The following RBBP4 variants were observed in gnomAD, a reference collection of about 807,000 sequenced individuals.
RBBP4 encodes RB binding protein 4, chromatin remodeling factor.
RBBP4 carries 3 observed loss-of-function variants against 57.2 expected under a neutral mutation model. The observed-to-expected ratio is 0.05, with a 90% confidence interval of 0.02 to 0.14. RBBP4 has a LOEUF of 0.14. RBBP4 is among the 10% of genes least tolerant of loss of function. The pLI, the probability that RBBP4 is intolerant of heterozygous loss-of-function variation, is 1.00. For synonymous variants in RBBP4, 151 were observed against 171.5 expected (o/e 0.88, Z 0.93); for missense variants, 107 against 520.6 (o/e 0.21, Z 7.73).
At chr1:32,672,294 AT>A (rs1222271812) in intron 8 of RBBP4, among the ~76,000 whole-genome samples, 155 bp from the exon 9 acceptor site, 1 of 152,124 alleles carries the variant, frequency 6.6e-6, no homozygotes, top group Admixed American at 6.6e-5. Flanking sequence ...CATAAAATAA[AT>A]TCTTTAGCTC....
chr1:32,653,640 T>TTTTTTGTTTTTTTTG (rs1247283021), intron 2 of RBBP4, among the ~76,000 whole-genome samples: 1 of 18,574 alleles, frequency 5.4e-5, no homozygotes. Flanking sequence ...TTTTCTGGTT[T>TTTTTTGTTTTTTTTG]TTTTTTTTTT....
At position 32,683,880 on chromosome 1, in the gene RBBP4, T is replaced by C. The variant is rs1469897652; in HGVS notation, c.*4175T>C. ...ACTCCTGACTCCAGGTGATCCACCC[T>C]CCTCAGCCTCCCAAAGTGCTAGGAT... On this transcript the variant is annotated 3_prime_UTR_variant, in exon 12 of 12. Coordinates refer to ENST00000373493, the MANE Select transcript of RBBP4 (RefSeq NM_005610.3). 2 of 828,914 alleles carry C rather than the reference T, an allele frequency of 2.4e-6. No homozygotes were observed. The highest frequency in any genetic ancestry group is 1.7e-5 in the African/African-American group (1 of 58,912). 51.3% of individuals were successfully genotyped at this position (828,914 alleles called of 1,614,324 possible).
At chr1:32,668,551 A>G in intron 4 of RBBP4, 153 bp downstream of exon 4, 2 of 970,986 alleles carry the variant, frequency 2.1e-6, no homozygotes, top group Non-Finnish European at 1.5e-6. Context: ...GCCTCCATGA[A>G]AAAATAATGC....
intron 11 of RBBP4, among the ~76,000 whole-genome samples, chr1:32,677,585 C>T (rs190894495): frequency 1.3e-5 from 2 of 152,158 alleles, no homozygotes; most frequent in Admixed American, 1.3e-4. Flanking sequence ...AGTGGGAACC[C>T]TGAAATTTGT....
intron 3 of RBBP4, among the ~76,000 whole-genome samples, chr1:32,663,868 G>A (rs1046976911): frequency 2.0e-5 from 3 of 151,890 alleles, no homozygotes; most frequent in Non-Finnish European, 2.9e-5. Context: ...GAGCCACCAC[G>A]CCTGGCCTTG....
chr1:32,670,641 C>T (rs771833748), intron 8 of RBBP4, among the ~76,000 whole-genome samples: 6 of 151,912 alleles, frequency 3.9e-5, no homozygotes, highest in Non-Finnish European at 7.4e-5. Context: ...GGTGCAATCT[C>T]GGCTCACTGC....
Position 32,684,072 on chromosome 1 carries a change from T to C in RBBP4, c.*4367T>C, listed in dbSNP as rs1299538205. 1 of 1,613,976 alleles carries C rather than the reference T, an allele frequency of 6.2e-7. No homozygotes were observed. The highest frequency in any genetic ancestry group is 2.2e-5 in the East Asian group (1 of 44,878). On this transcript the variant is annotated 3_prime_UTR_variant, in exon 12 of 12. Transcript: ENST00000373493. ...GGGAGCATCAGCCTGTTCCAGGCTC[T>C]TGGGTAGTAGCATAGCCCTTTAAAA...
At chr1:32,670,091 T>A (rs1485069134) in intron 8 of RBBP4, among the ~76,000 whole-genome samples, 1 of 152,162 alleles carries the variant, frequency 6.6e-6, no homozygotes, top group African/African-American at 2.4e-5. Flanking sequence ...GTATGGTAGC[T>A]TATGCCTGTA....
intron 2 of RBBP4, among the ~76,000 whole-genome samples, chr1:32,655,953 C>T (rs1648121785): frequency 6.6e-6 from 1 of 152,110 alleles, no homozygotes; most frequent in Admixed American, 6.6e-5. Context: ...TTCAATGGGT[C>T]TGGAGTAGAT....
chr1:32,652,517 T>G (rs1408049498), intron 2 of RBBP4: 1 of 161,382 alleles, frequency 6.2e-6, no homozygotes, highest in African/African-American at 2.4e-5. Flanking sequence ...AGTATTACAA[T>G]GAGTCTAGTC....
Position 32,682,899 on chromosome 1 carries a change from T to C in RBBP4, c.*3194T>C, listed in dbSNP as rs984475249. Reference sequence around the variant, plus strand: ...TTTCTTTCACGGACTCTAGAACTTTTATCAGAATATACTGGTAAAACATTG... The same window carrying C: ...TTTCTTTCACGGACTCTAGAACTTTCATCAGAATATACTGGTAAAACATTG... On this transcript the variant is annotated 3_prime_UTR_variant, in exon 12 of 12. Transcript: ENST00000373493. 1 of 152,226 alleles carries C rather than the reference T, an allele frequency of 6.6e-6. No individual in the cohort carries two copies. The highest frequency in any genetic ancestry group is 6.5e-5 in the Admixed American group (1 of 15,276). 9.4% of individuals were successfully genotyped at this position (152,226 alleles called of 1,614,324 possible). A position where few individuals can be genotyped will look rare whatever the true frequency, so the allele number is the denominator to read the frequency against.
At chr1:32,656,776 A>G (rs1648161344) in intron 2 of RBBP4, among the ~76,000 whole-genome samples, 1 of 150,806 alleles carries the variant, frequency 6.6e-6, no homozygotes, top group African/African-American at 2.4e-5. Context: ...TATGTTATTT[A>G]CTCTTCTTTC....
At chr1:32,678,354 A>G (rs1392744454) in intron 11 of RBBP4, among the ~76,000 whole-genome samples, 1 of 150,542 alleles carries the variant, frequency 6.6e-6, no homozygotes, top group Admixed American at 6.6e-5. Flanking sequence ...AGCCTCCCAA[A>G]TAGCTGGGAT....
intron 8 of RBBP4, among the ~76,000 whole-genome samples, chr1:32,671,456 G>T (rs913166071): frequency 6.6e-6 from 1 of 152,064 alleles, no homozygotes; most frequent in South Asian, 2.1e-4. Flanking sequence ...GGTGGTGCAC[G>T]CCTGTAATCC....
At chr1:32,678,195 A>G (rs576209942) in intron 11 of RBBP4, among the ~76,000 whole-genome samples, 1 of 152,208 alleles carries the variant, frequency 6.6e-6, no homozygotes, top group South Asian at 2.1e-4. Flanking sequence ...ATAGTCCCCC[A>G]GCCCTAGGCA....
At chr1:32,665,846 AG>A (rs1382539287) in intron 3 of RBBP4, among the ~76,000 whole-genome samples, 6 of 152,188 alleles carry the variant, frequency 3.9e-5, no homozygotes, top group Non-Finnish European at 8.8e-5. Flanking sequence ...AGAGCCACTT[AG>A]GGGCCTGGGT....
chr1:32,661,818 C>T (rs985083503), intron 3 of RBBP4, among the ~76,000 whole-genome samples: 95 of 127,048 alleles, frequency 7.5e-4, no homozygotes, highest in African/African-American at 2.8e-3. Flanking sequence ...TTTTCACATT[C>T]GTTGTCTGCT....
intron 11 of RBBP4, among the ~76,000 whole-genome samples, chr1:32,676,629 GAAAAAGAA>G: frequency 3.1e-5 from 1 of 32,380 alleles, no homozygotes; most frequent in South Asian, 1.7e-3. Flanking sequence ...AAAAAAAAAA[GAAAAAGAA>G]AAGCTGTTTG....
At chr1:32,677,823 A>G (rs914521780) in intron 11 of RBBP4, among the ~76,000 whole-genome samples, 5 of 152,188 alleles carry the variant, frequency 3.3e-5, no homozygotes, top group Non-Finnish European at 7.3e-5. Flanking sequence ...TCAGATCACA[A>G]GCTCTTTGAA....
Sources: gnomAD v4.1 joint callset for allele counts (sites outside exome capture counted in the v4.1 genomes callset) on GRCh38, gnomAD v4.1.1 for gene constraint, MANE v1.5 for transcripts, NCBI Gene and HGNC (gene_info 2026-07-23, HGNC 2026-07-21) for gene names.